Variants in HIP1R observed in about 807,000 individuals in gnomAD.
HIP1R encodes huntingtin interacting protein 1 related, also known as huntingtin-interacting protein 1-related protein.
Under a neutral mutation model 144.2 loss-of-function variants are expected in HIP1R, and 135 were observed. The observed-to-expected ratio is 0.94, with a 90% CI of 0.81 to 1.08. The LOEUF (loss-of-function observed/expected upper bound fraction) is 1.08. Among genes scored for constraint, HIP1R ranks in the 50% least tolerant of loss-of-function variants. The pLI is 0.00. For missense variants in HIP1R, 1,462 were observed against 1,432.8 expected (o/e 1.02, Z -0.33); for synonymous variants, 698 against 612.8 (o/e 1.14, Z -2.05).
chr12:122,842,381 T>C (rs1422663021), intron 1 of HIP1R, among the ~76,000 whole-genome samples: 2 of 152,222 alleles, frequency 1.3e-5, no homozygotes, highest in African/African-American at 4.8e-5. Flanking sequence ...GATAAATTAT[T>C]AGCTGGAGAA....
In HIP1R at chr12:122,861,204, T is replaced by A. The variant is rs1189741809; in HGVS notation, c.2952+12T>A. ...AGATGGAGACCCAGGTAGGCGCCCA[T>A]GGCTGCCCCGTGACCTCTGAGCTCA... On this transcript the variant is annotated intron_variant, in intron 30 of 31. Transcript: ENST00000253083. The A allele has an allele frequency of 5.3e-6, 8 of 1,507,792 alleles. No homozygotes were observed. The South Asian group carries it at 9.1e-5, about 17-fold the overall frequency. 93.4% of individuals were successfully genotyped at this position (1,507,792 alleles called of 1,614,324 possible). A position where few individuals can be genotyped will look rare whatever the true frequency, so the allele number is the denominator to read the frequency against.
chr12:122,849,859 GTCTGTCTTCA>G lies in HIP1R; in HGVS notation c.358-15_358-6del, dbSNP rs773722661. ...TTCACGAGCCGTGGCCCCTCACCCT[GTCTGTCTTCA>G]CACAGGGACATTTGCATGACCGCTA... On this transcript the variant is annotated splice_region_variant and splice_polypyrimidine_tract_variant and intron_variant, in intron 4 of 31. Coordinates refer to ENST00000253083, the MANE Select transcript of HIP1R (RefSeq NM_003959.3). 6.2e-7 allele frequency: 1 copy of G among 1,605,370 alleles called. No individual in the cohort carries two copies. The highest frequency in any genetic ancestry group is 1.1e-5 in the South Asian group (1 of 90,808).
chr12:122,855,684 TTCTG>T (rs1566110545), intron 12 of HIP1R, 72 bp downstream of exon 12: 1 of 1,531,126 alleles, frequency 6.5e-7, no homozygotes, highest in Non-Finnish European at 8.9e-7. Flanking sequence ...CTCTGGACAG[TTCTG>T]TCTGGAAAGG....
chr12:122,858,010 C>G lies in HIP1R; in HGVS notation c.1816-92C>G. On this transcript the variant is annotated intron_variant, in intron 18 of 31. Transcript: ENST00000253083. Reference sequence around the variant, plus strand: ...GACCAGTGAGGGTCTCAGCTGGGCTCCAACTGGTGGCCCATGGGTCATTCC... The same window carrying G: ...GACCAGTGAGGGTCTCAGCTGGGCTGCAACTGGTGGCCCATGGGTCATTCC... The G allele has an allele frequency of 2.5e-6, 3 of 1,211,308 alleles. No individual in the cohort carries two copies. The East Asian group carries it at 7.5e-5, about 30-fold the overall frequency. 75.0% of individuals were successfully genotyped at this position (1,211,308 alleles called of 1,614,324 possible).
chr12:122,852,734 G>A (rs1158362601), intron 7 of HIP1R, among the ~76,000 whole-genome samples: 1 of 152,092 alleles, frequency 6.6e-6, no homozygotes, highest in Non-Finnish European at 1.5e-5. Context: ...AACGGAGGGT[G>A]GTGGGAAGAG....
intron 1 of HIP1R, among the ~76,000 whole-genome samples, chr12:122,843,836 C>T (rs1201387206): frequency 6.6e-6 from 1 of 152,194 alleles, no homozygotes; most frequent in Non-Finnish European, 1.5e-5. Flanking sequence ...TCTCACGGCG[C>T]TGTGGAACTC....
At position 122,849,890 on chromosome 12, in the gene HIP1R, C is replaced by T. The variant is rs757099141; in HGVS notation, c.373C>T (p.Arg125Cys). The T allele has an allele frequency of 2.1e-5, 34 of 1,613,058 alleles. No homozygotes were observed. The highest frequency in any genetic ancestry group is 5.3e-5 in the African/African-American group (4 of 74,922). The change falls in exon 5 of 32, where the codon CGC (arginine) becomes TGC (cysteine). Residue 125 changes from arginine to cysteine, a missense_variant. Arg to Cys is a radical substitution (Grantham distance 180). Transcript: ENST00000253083. ...IGDLWGHLHD[R>C]YGQLVNVYTK... ...CTTCACACAGGGACATTTGCATGACCGCTACGGACAGCTGGTGAATGTCTA... is the reference window on the plus strand; with the variant it reads ...CTTCACACAGGGACATTTGCATGACTGCTACGGACAGCTGGTGAATGTCTA...
intron 4 of HIP1R, 113 bp from the exon 5 acceptor site, chr12:122,849,762 C>T (rs976550616): frequency 1.9e-5 from 13 of 691,468 alleles, no homozygotes; most frequent in African/African-American, 1.6e-4. Flanking sequence ...CAGGAGAAGA[C>T]GTTTGTTGAA....
rs377698059 is a variant in HIP1R at position 122,861,463 on chromosome 12, G to C, written c.3108G>C (p.Lys1036Asn). Residue 1036 changes from lysine to asparagine, a missense_variant, in exon 31 of 32, where the codon AAG (lysine) becomes AAC (asparagine). Coordinates refer to ENST00000253083, the MANE Select transcript of HIP1R (RefSeq NM_003959.3). ...CTGCCCCCCGAAGTGTAACCACCAAGAAACCACCCCTGGCCCAGAAGCCCA... is the reference window on the plus strand; with the variant it reads ...CTGCCCCCCGAAGTGTAACCACCAACAAACCACCCCTGGCCCAGAAGCCCA... ...PSTAPRSVTTKKPPLAQKPSV... is the reference protein window; with the variant it reads ...PSTAPRSVTTNKPPLAQKPSV... The C allele has an allele frequency of 1.2e-6, 2 of 1,613,446 alleles. No individual in the cohort carries two copies. Among genetic ancestry groups the C allele is most frequent in the South Asian group, 2.2e-5 (2 of 91,076 alleles).
intron 27 of HIP1R, 66 bp from the exon 28 acceptor site, chr12:122,860,613 G>T (rs140165361): frequency 9.0e-6 from 14 of 1,552,950 alleles, no homozygotes; most frequent in Non-Finnish European, 1.2e-5. Flanking sequence ...AGTAGAGGGG[G>T]TGTGGAGTGG....
At chr12:122,858,301 G>T (rs376741200) in intron 19 of HIP1R, 48 bp from the exon 20 acceptor site, 1 of 1,587,616 alleles carries the variant, frequency 6.3e-7, no homozygotes, top group East Asian at 2.3e-5. Context: ...CCCATCCCCA[G>T]CCCTGAGCAG....
At chr12:122,860,002 G>A in intron 24 of HIP1R, 45 bp from the exon 25 acceptor site, 1 of 1,534,770 alleles carries the variant, frequency 6.5e-7, no homozygotes, top group Non-Finnish European at 8.8e-7. Context: ...CGTCGTGTGG[G>A]CTGCTCTGCA....
intron 2 of HIP1R, 23 bp downstream of exon 2, chr12:122,848,117 C>T: frequency 6.2e-7 from 1 of 1,612,096 alleles, no homozygotes; most frequent in Non-Finnish European, 8.5e-7. Flanking sequence ...GGCTCTTGGA[C>T]CCAGGAGTTG....
At chr12:122,851,074 G>A (rs1442251292) in intron 6 of HIP1R, among the ~76,000 whole-genome samples, 162 bp from the exon 7 acceptor site, 1 of 152,158 alleles carries the variant, frequency 6.6e-6, no homozygotes, top group Non-Finnish European at 1.5e-5. Flanking sequence ...GAAGTTAAAA[G>A]GGTGGGGTGT....
chr12:122,855,715 T>TG (rs1398254867), intron 12 of HIP1R, 103 bp downstream of exon 12: 1 of 1,509,624 alleles, frequency 6.6e-7, no homozygotes, highest in Non-Finnish European at 9.0e-7. Context: ...GTGGGGAACA[T>TG]GAACCCGTGA....
intron 1 of HIP1R, among the ~76,000 whole-genome samples, chr12:122,843,885 TC>T (rs1298297983): frequency 6.6e-6 from 1 of 152,196 alleles, no homozygotes; most frequent in Admixed American, 6.5e-5. Context: ...GGAGTTTAGC[TC>T]TGTTGCCCAG....
chr12:122,849,374 A>G (rs2033306223), intron 4 of HIP1R, among the ~76,000 whole-genome samples: 1 of 152,248 alleles, frequency 6.6e-6, no homozygotes, highest in South Asian at 2.1e-4. Flanking sequence ...GGGCAGGGAC[A>G]TAGGAGCAGG....
intron 1 of HIP1R, among the ~76,000 whole-genome samples, chr12:122,843,377 A>T (rs969136018): frequency 1.3e-5 from 2 of 152,200 alleles, no homozygotes; most frequent in Admixed American, 1.3e-4. Context: ...TTCCTTGTGA[A>T]CATTAATGAG....
Position 122,859,442 on chromosome 12 carries a change from G to A in HIP1R, c.2312G>A (p.Ser771Asn). Reference protein sequence around the residue: ...LQLGQELKPKSLDVRQEELGA... With the variant: ...LQLGQELKPKNLDVRQEELGA... ...CCTCACCAGGAACTGAAACCCAAGA[G>A]CCTAGATGTGCGGCAGGAGGAGCTG... Residue 771 changes from serine (S) to asparagine (N), a missense_variant, in exon 23 of 32, where the codon AGC (serine) becomes AAC (asparagine). Ser to Asn is a conservative substitution (Grantham distance 46). Coordinates refer to ENST00000253083, the MANE Select transcript of HIP1R (RefSeq NM_003959.3). The A allele has an allele frequency of 6.2e-7, 1 of 1,613,426 alleles. No individual in the cohort carries two copies. The highest frequency in any genetic ancestry group is 1.3e-5 in the African/African-American group (1 of 75,058).
Sources: allele counts gnomAD v4.1 joint callset (sites outside exome capture counted in the v4.1 genomes callset), GRCh38; gene constraint gnomAD v4.1.1; transcripts MANE v1.5; gene names NCBI Gene and HGNC (gene_info 2026-07-23, HGNC 2026-07-21).